Variants in EZR observed in about 807,000 individuals in gnomAD.
The protein encoded by EZR is cytovillin 2.
EZR carries 40 observed loss-of-function variants against 74.8 expected under a neutral mutation model. The observed-to-expected ratio is 0.53, with a 90% CI of 0.42 to 0.70. The LOEUF is 0.70. Ranked by LOEUF, EZR falls within the 30% of genes least tolerant of loss-of-function variation. The probability of loss-of-function intolerance (pLI) is 0.00; values close to 1 mark genes in which losing one functional copy is unlikely to be tolerated. For synonymous variants in EZR, 341 were observed against 283.3 expected (o/e 1.20, Z -2.05); for missense variants, 678 against 755.8 (o/e 0.90, Z 1.21).
At chr6:158,817,101 G>A (rs999951079) in intron 2 of EZR, among the ~76,000 whole-genome samples, 3 of 151,814 alleles carry the variant, frequency 2.0e-5, no homozygotes, top group African/African-American at 7.3e-5. Flanking sequence ...CCCCACAAAA[G>A]GCACACAAGC....
chr6:158,785,512 A>C lies in EZR; in HGVS notation c.264T>G (p.Asp88Glu), dbSNP rs745976023. The stretch of plus-strand genomic sequence containing the variant: ...TGTCCTGGATGAGCTCCTCAGCCAC[A>C]TCTTCAGGGTAGAACTTGGCCCGGA... ...FKFRAKFYPE[D>E]VAEELIQDIT... Residue 88 changes from aspartate (D) to glutamate (E), a missense_variant, in exon 5 of 14, where the codon GAT (aspartate) becomes GAG (glutamate). By Grantham distance (45) the Asp-to-Glu change is conservative. Transcript: ENST00000367075. 1 of 1,614,078 alleles carries C rather than the reference A, an allele frequency of 6.2e-7. No individual in the cohort carries two copies. Among genetic ancestry groups the C allele is most frequent in the African/African-American group, 1.3e-5 (1 of 74,928 alleles).
chr6:158,807,083 C>T (rs1777356015), intron 2 of EZR, among the ~76,000 whole-genome samples: 1 of 152,040 alleles, frequency 6.6e-6, no homozygotes, highest in Admixed American at 6.6e-5. Context: ...GAGGCTGAGG[C>T]GGGCGGATCA....
At chr6:158,818,592 C>T (rs1166726998) in intron 1 of EZR, among the ~76,000 whole-genome samples, 1 of 116,184 alleles carries the variant, frequency 8.6e-6, no homozygotes, top group Admixed American at 8.9e-5. Flanking sequence ...CCAGGAGGGT[C>T]AGGGGAGAGA....
At chr6:158,799,731 A>G (rs2128573632) in intron 2 of EZR, among the ~76,000 whole-genome samples, 1 of 152,382 alleles carries the variant, frequency 6.6e-6, no homozygotes, top group South Asian at 2.1e-4. Flanking sequence ...TTAGTGCAGA[A>G]ATGCAGATAC....
At position 158,767,054 on chromosome 6, in the gene EZR, C is replaced by A; in HGVS notation, c.1621G>T (p.Ala541Ser). ...TGGGTCCTCTTATTCTCATCTCGGG[C>A]CTGGGACAGCTCGCTGCTCAGCGTC... ...LLTLSSELSQ[A>S]RDENKRTHND... The change falls in exon 14 of 14, where the codon GCC becomes TCC. Residue 541 changes from alanine to serine, a missense_variant. Ala to Ser is a moderately conservative substitution (Grantham distance 99). Coordinates refer to ENST00000367075, the MANE Select transcript of EZR (RefSeq NM_001111077.2). The A allele has an allele frequency of 6.2e-7, 1 of 1,614,176 alleles. No individual in the cohort carries two copies. Among genetic ancestry groups the A allele is most frequent in the Non-Finnish European group, 8.5e-7 (1 of 1,180,024 alleles).
rs532209070 is a variant in EZR at position 158,814,490 on chromosome 6, A to G, written c.12+3592T>C. On this transcript the variant is annotated intron_variant, in intron 2 of 13. Coordinates refer to ENST00000367075, the MANE Select transcript of EZR (RefSeq NM_001111077.2). ...GGTACCAGACACTAAGCTTCCAGAG[A>G]ACAAGGTCTGCCTCGCCCTCTGTGC... Among the ~76,000 whole-genome samples, 127 of 151,954 alleles carry G rather than the reference A, an allele frequency of 8.4e-4. 1 individual carries two copies. The highest frequency in any genetic ancestry group is 2.4e-3 in the African/African-American group (101 of 41,418).
intron 2 of EZR, among the ~76,000 whole-genome samples, chr6:158,805,386 C>T (rs1777316265): frequency 1.3e-5 from 2 of 150,300 alleles, no homozygotes. Context: ...CTTTGCTAAC[C>T]TGTTTTTTAG....
intron 7 of EZR, among the ~76,000 whole-genome samples, chr6:158,777,930 G>A (rs999802480): frequency 2.0e-5 from 3 of 152,066 alleles, no homozygotes; most frequent in African/African-American, 7.2e-5. Flanking sequence ...AAACACACCT[G>A]GCATTCAAAC....
At chr6:158,786,336 T>G (rs1489927208) in intron 4 of EZR, among the ~76,000 whole-genome samples, 1 of 152,206 alleles carries the variant, frequency 6.6e-6, no homozygotes. Context: ...ATCGTGCCAC[T>G]GCACCCCAGC....
At chr6:158,770,505 G>A (rs1015239878) in intron 10 of EZR, among the ~76,000 whole-genome samples, 5 of 152,226 alleles carry the variant, frequency 3.3e-5, no homozygotes, top group Admixed American at 1.3e-4. Context: ...CCTCATCGGG[G>A]AAACTGGGTG....
chr6:158,806,635 A>G (rs188894059), intron 2 of EZR, among the ~76,000 whole-genome samples: 2 of 152,238 alleles, frequency 1.3e-5, no homozygotes, highest in Admixed American at 1.3e-4. Context: ...CGTCAAGTTC[A>G]GTAAATATTA....
At chr6:158,810,358 G>A (rs1777427628) in intron 2 of EZR, among the ~76,000 whole-genome samples, 1 of 152,110 alleles carries the variant, frequency 6.6e-6, no homozygotes, top group Non-Finnish European at 1.5e-5. Flanking sequence ...TTACCCAAAG[G>A]ATCTTACCAG....
At chr6:158,794,321 G>C (rs1395219345) in intron 2 of EZR, among the ~76,000 whole-genome samples, 3 of 151,960 alleles carry the variant, frequency 2.0e-5, no homozygotes, top group Non-Finnish European at 4.4e-5. Flanking sequence ...ACCAGCACCA[G>C]CACCACCACC....
intron 2 of EZR, among the ~76,000 whole-genome samples, chr6:158,814,409 G>A (rs1037908916): frequency 6.7e-6 from 1 of 150,068 alleles, no homozygotes; most frequent in Non-Finnish European, 1.5e-5. Flanking sequence ...CTCTTTCCCA[G>A]TCTGACAGCA....
In EZR at chr6:158,767,094, G is replaced by A. The variant is rs914416770; in HGVS notation, c.1597-16C>T. The A allele has an allele frequency of 6.8e-6, 11 of 1,613,838 alleles. No individual in the cohort carries two copies. The highest frequency in any genetic ancestry group is 4.0e-5 in the African/African-American group (3 of 74,916). ...TGCTCAGCGTCTGTAACATTAAGCA[G>A]CATTGGTCTAGTCCCTTCCTCCCCA... On this transcript the variant is annotated splice_polypyrimidine_tract_variant and intron_variant, in intron 13 of 13. Coordinates refer to ENST00000367075, the MANE Select transcript of EZR (RefSeq NM_001111077.2).
chr6:158,806,412 A>G (rs772996250), intron 2 of EZR, among the ~76,000 whole-genome samples: 8 of 152,114 alleles, frequency 5.3e-5, no homozygotes, highest in Non-Finnish European at 8.8e-5. Context: ...GAGAATAAGT[A>G]GTACCATGAT....
intron 2 of EZR, among the ~76,000 whole-genome samples, chr6:158,807,659 GAA>G (rs1209565276): frequency 6.6e-6 from 1 of 152,158 alleles, no homozygotes; most frequent in African/African-American, 2.4e-5. Flanking sequence ...AGTAAAGAAT[GAA>G]AGTTAATTCT....
intron 9 of EZR, 25 bp downstream of exon 9, chr6:158,771,219 C>A (rs1395903004): frequency 3.1e-6 from 5 of 1,588,692 alleles, no homozygotes; most frequent in Non-Finnish European, 4.3e-6. Context: ...CACAGGCCCC[C>A]CCCACTCTGG....
chr6:158,770,617 A>G lies in EZR; in HGVS notation c.1090+147T>C, dbSNP rs947451443. The G allele has an allele frequency of 3.8e-5, 34 of 898,402 alleles. No homozygotes were observed. In the Middle Eastern group the frequency reaches 1.0e-3, roughly 28 times the overall value. The allele number at this position is 898,402 out of a possible 1,614,324, so 55.7% of individuals were successfully genotyped here. A position where few individuals can be genotyped will look rare whatever the true frequency, so the allele number is the denominator to read the frequency against. On this transcript the variant is annotated intron_variant, in intron 10 of 13. Coordinates refer to ENST00000367075, the MANE Select transcript of EZR (RefSeq NM_001111077.2). ...AGTACAGAACTGTTTTCCAAACCAA[A>G]TAACCATTTTATCATTTCGGCTGTG...
Sources: gnomAD v4.1 joint callset for allele counts (sites outside exome capture counted in the v4.1 genomes callset) on GRCh38, gnomAD v4.1.1 for gene constraint, MANE v1.5 for transcripts, NCBI Gene and HGNC (gene_info 2026-07-23, HGNC 2026-07-21) for gene names.